The following SLC6A11 variants were observed in gnomAD, a reference collection of about 807,000 sequenced individuals.
SLC6A11 encodes solute carrier family 6 member 11, also known as sodium- and chloride-dependent GABA transporter 3.
Under a neutral mutation model 74.8 loss-of-function variants are expected in SLC6A11, and 25 were observed. That is an observed-to-expected ratio of 0.33 (90% confidence interval 0.24 to 0.47). The LOEUF is 0.47. SLC6A11 is among the 20% of genes least tolerant of loss of function. The probability of loss-of-function intolerance (pLI) is 1.00; values close to 1 mark genes in which losing one functional copy is unlikely to be tolerated. For synonymous variants in SLC6A11, 330 were observed against 330.2 expected, an observed-to-expected ratio of 1.00 and a Z score of 0.01; for missense variants, 574 against 837.0, an observed-to-expected ratio of 0.69 and a Z score of 3.88.
At chr3:10,938,086 T>TC (rs772887774) in intron 13 of SLC6A11, among the ~76,000 whole-genome samples, 164 bp from the exon 14 acceptor site, 4 of 152,140 alleles carry the variant, frequency 2.6e-5, no homozygotes, top group African/African-American at 9.7e-5. Context: ...GGGAGGTTGT[T>TC]CATCATCCAG....
chr3:10,933,315 C>A, intron 11 of SLC6A11, 62 bp downstream of exon 11: 2 of 1,166,414 alleles, frequency 1.7e-6, no homozygotes, highest in Non-Finnish European at 2.6e-6. Context: ...GATCCTGGTG[C>A]TTGGACTCTG....
At chr3:10,830,893 C>T (rs949012270) in intron 4 of SLC6A11, among the ~76,000 whole-genome samples, 1 of 152,152 alleles carries the variant, frequency 6.6e-6, no homozygotes, top group East Asian at 1.9e-4. Context: ...CCTCCCCAGG[C>T]TGCAGGTGGA....
intron 4 of SLC6A11, among the ~76,000 whole-genome samples, chr3:10,827,725 T>G (rs182338084): frequency 6.6e-6 from 1 of 152,292 alleles, no homozygotes; most frequent in Non-Finnish European, 1.5e-5. Context: ...GAGGTTCTAG[T>G]CTCTAGAAGC....
intron 5 of SLC6A11, among the ~76,000 whole-genome samples, chr3:10,854,788 C>T (rs1465704631): frequency 6.6e-6 from 1 of 152,226 alleles, no homozygotes; most frequent in African/African-American, 2.4e-5. Context: ...AGTCTTCCTA[C>T]CTCCTCTAGT....
intron 1 of SLC6A11, 128 bp from the exon 2 acceptor site, chr3:10,819,337 A>G: frequency 1.1e-6 from 1 of 923,052 alleles, no homozygotes; most frequent in Non-Finnish European, 1.7e-6. Context: ...TGGTCTTCAT[A>G]ATGGGAACTT....
intron 6 of SLC6A11, among the ~76,000 whole-genome samples, chr3:10,900,414 T>C (rs1366602609): frequency 2.0e-5 from 3 of 152,218 alleles, no homozygotes; most frequent in Non-Finnish European, 4.4e-5. Context: ...CAGAGCACCC[T>C]GCTCTCAGGA....
chr3:10,909,842 ACTT>A (rs1243901829), intron 6 of SLC6A11, among the ~76,000 whole-genome samples: 1 of 152,052 alleles, frequency 6.6e-6, no homozygotes, highest in Non-Finnish European at 1.5e-5. Flanking sequence ...AAATACAACC[ACTT>A]CTTCTCAAGT....
intron 6 of SLC6A11, among the ~76,000 whole-genome samples, chr3:10,885,994 G>C (rs904061502): frequency 6.6e-6 from 1 of 152,112 alleles, no homozygotes; most frequent in Non-Finnish European, 1.5e-5. Context: ...CCTCACTCTG[G>C]CACTGCCTCC....
chr3:10,863,368 T>G, intron 5 of SLC6A11, among the ~76,000 whole-genome samples: 1 of 152,206 alleles, frequency 6.6e-6, no homozygotes, highest in East Asian at 1.9e-4. Context: ...GGAACTATGG[T>G]CTATGATTCA....
chr3:10,836,980 A>G (rs189612566), intron 4 of SLC6A11, among the ~76,000 whole-genome samples: 5 of 152,324 alleles, frequency 3.3e-5, no homozygotes, highest in Admixed American at 3.3e-4. Context: ...GACTGAAGGA[A>G]TTTACTCCCT....
At chr3:10,929,490 T>C in intron 10 of SLC6A11, 151 bp downstream of exon 10, 2 of 821,684 alleles carry the variant, frequency 2.4e-6, no homozygotes, top group Non-Finnish European at 1.9e-6. Flanking sequence ...GGTGAGGATC[T>C]AATGGAAGTT....
intron 5 of SLC6A11, among the ~76,000 whole-genome samples, chr3:10,851,675 C>T (rs761450346): frequency 2.6e-5 from 4 of 152,238 alleles, no homozygotes; most frequent in Non-Finnish European, 4.4e-5. Context: ...GTGCGAATAT[C>T]GTCCCCATTT....
At chr3:10,867,985 CATT>C (rs1440094064) in intron 5 of SLC6A11, among the ~76,000 whole-genome samples, 1 of 152,094 alleles carries the variant, frequency 6.6e-6, no homozygotes, top group Non-Finnish European at 1.5e-5. Flanking sequence ...ACAGTTTTCT[CATT>C]ATGTATATTT....
chr3:10,936,316 C>T (rs376119022), intron 13 of SLC6A11, among the ~76,000 whole-genome samples: 2 of 152,310 alleles, frequency 1.3e-5, no homozygotes, highest in African/African-American at 4.8e-5. Flanking sequence ...GCAGAGACTC[C>T]GGCTTGTGTG....
intron 6 of SLC6A11, among the ~76,000 whole-genome samples, chr3:10,894,426 G>T (rs985309679): frequency 6.6e-6 from 1 of 152,196 alleles, no homozygotes; most frequent in African/African-American, 2.4e-5. Context: ...AGAGCAGAGA[G>T]ATAGGTAAGA....
intron 5 of SLC6A11, among the ~76,000 whole-genome samples, chr3:10,870,236 G>T (rs546465501): frequency 2.1e-4 from 32 of 152,288 alleles, no homozygotes; most frequent in African/African-American, 7.7e-4. Flanking sequence ...GTGGTGTCAT[G>T]ATCCCAGGAG....
chr3:10,829,788 C>T (rs1245042032), intron 4 of SLC6A11, among the ~76,000 whole-genome samples: 1 of 152,226 alleles, frequency 6.6e-6, no homozygotes, highest in Non-Finnish European at 1.5e-5. Flanking sequence ...GCTGTTTTTA[C>T]ACAGGAGACT....
chr3:10,935,274 GTGCGCGATGACGGCC>G, intron 13 of SLC6A11, 75 bp downstream of exon 13: 1 of 1,393,890 alleles, frequency 7.2e-7, no homozygotes, highest in Non-Finnish European at 1.0e-6. Flanking sequence ...CATCTGCATG[GTGCGCGATGACGGCC>G]TGCGCCCACC....
intron 6 of SLC6A11, among the ~76,000 whole-genome samples, chr3:10,896,587 A>G (rs762318291): frequency 1.3e-5 from 2 of 152,222 alleles, no homozygotes; most frequent in East Asian, 3.9e-4. Context: ...GAAAACTTCT[A>G]CCTTACCCAG....
Sources: allele counts gnomAD v4.1 joint callset (sites outside exome capture counted in the v4.1 genomes callset), GRCh38; gene constraint gnomAD v4.1.1; transcripts MANE v1.5; gene names NCBI Gene and HGNC (gene_info 2026-07-23, HGNC 2026-07-21).